The following EI24 variants were observed in gnomAD, a reference collection of about 807,000 sequenced individuals.
The protein encoded by EI24 is etoposide-induced protein 2.4 homolog.
A neutral mutation model predicts 48.6 loss-of-function variants in EI24; 21 were observed. That is an observed-to-expected ratio of 0.43 (90% CI 0.31 to 0.62). The LOEUF is 0.62. EI24 is among the 20% of genes least tolerant of loss of function. The pLI is 0.10. For synonymous variants in EI24, 114 were observed against 145.5 expected, an observed-to-expected ratio of 0.78 and a Z score of 1.56; for missense variants, 280 against 410.5, an observed-to-expected ratio of 0.68 and a Z score of 2.75.
rs1344381738 is a variant in EI24 at position 125,569,497 on chromosome 11, G to GGCCCTGGAAGC, written c.-142_-132dup. 5 of 384,290 alleles carry GGCCCTGGAAGC rather than the reference G, an allele frequency of 1.3e-5. No homozygotes were observed. The highest frequency in any genetic ancestry group is 2.3e-5 in the Non-Finnish European group (5 of 216,906). 23.8% of individuals were successfully genotyped at this position (384,290 alleles called of 1,614,324 possible). On this transcript the variant is annotated 5_prime_UTR_variant, in exon 1 of 11. Transcript: ENST00000278903. ...TGCCCAGTGCGGGCGCAGCGGCCCC[G>GGCCCTGGAAGC]GCCCTGGAAGCGCCCCGGCGGAGCT...
intron 9 of EI24, among the ~76,000 whole-genome samples, chr11:125,582,131 G>A (rs1162718182): frequency 6.6e-6 from 1 of 151,978 alleles, no homozygotes; most frequent in Non-Finnish European, 1.5e-5. Flanking sequence ...ACAGGAGGCG[G>A]AGGTTGCGGT....
chr11:125,580,289 C>T, intron 8 of EI24, 85 bp downstream of exon 8: 1 of 1,017,494 alleles, frequency 9.8e-7, no homozygotes, highest in South Asian at 1.3e-5. Context: ...TACTCATAGT[C>T]AGGCTTTTGG....
Position 125,572,567 on chromosome 11 carries a change from AGAGT to A in EI24, c.42+3_42+6del. ...CAAAACCTTTCTCCAGGACCTTGCCAGAGTGAGTACATCTTGTTTATAGGAATTC... is the reference window on the plus strand; with the variant it reads ...CAAAACCTTTCTCCAGGACCTTGCCAGAGTACATCTTGTTTATAGGAATTC... On this transcript the variant is annotated splice_donor_variant and coding_sequence_variant, in exon 2 of 11. Transcript: ENST00000278903. LOFTEE classifies it high-confidence loss of function. The A allele has an allele frequency of 6.2e-7, 1 of 1,612,520 alleles. No homozygotes were observed. The highest frequency in any genetic ancestry group is 8.5e-7 in the Non-Finnish European group (1 of 1,179,592).
chr11:125,578,480 C>CTTTTTTT (rs370986926), intron 6 of EI24, among the ~76,000 whole-genome samples: 20 of 84,690 alleles, frequency 2.4e-4, no homozygotes, highest in South Asian at 8.4e-4. Context: ...TTCGTTTTGG[C>CTTTTTTT]TTTTTTTTTT....
At chr11:125,575,928 A>G in intron 3 of EI24, 1 of 386,916 alleles carries the variant, frequency 2.6e-6, no homozygotes, top group South Asian at 1.9e-5. Context: ...GGCTGGAAGT[A>G]CAGGTGCGCA....
At chr11:125,573,976 C>G (rs913939691) in intron 2 of EI24, among the ~76,000 whole-genome samples, 7 of 152,174 alleles carry the variant, frequency 4.6e-5, no homozygotes, top group Non-Finnish European at 1.0e-4. Flanking sequence ...GCCACCGTGC[C>G]CAGCAGCATA....
At chr11:125,579,781 C>T (rs1414293250) in intron 7 of EI24, among the ~76,000 whole-genome samples, 1 of 152,176 alleles carries the variant, frequency 6.6e-6, no homozygotes, top group Non-Finnish European at 1.5e-5. Context: ...ATCCTCCTGC[C>T]TTAGCCTCCT....
At chr11:125,579,105 T>G (rs528851002) in intron 7 of EI24, 37 bp downstream of exon 7, 1 of 1,537,294 alleles carries the variant, frequency 6.5e-7, no homozygotes, top group African/African-American at 1.4e-5. Flanking sequence ...GCAGCTTTAT[T>G]AAAAAGAAAA....
chr11:125,576,101 C>T (rs1565328629), intron 3 of EI24, among the ~76,000 whole-genome samples, 154 bp from the exon 4 acceptor site: 1 of 152,066 alleles, frequency 6.6e-6, no homozygotes. Flanking sequence ...TTTTTTTAGT[C>T]TTTTCTCATT....
At chr11:125,582,480 TTA>T in intron 10 of EI24, 60 bp downstream of exon 10, 1 of 1,273,100 alleles carries the variant, frequency 7.9e-7, no homozygotes, top group Non-Finnish European at 1.1e-6. Flanking sequence ...GTAACACCAG[TTA>T]TGTCAGTGAG....
intron 2 of EI24, chr11:125,573,536 G>A (rs1343333017): frequency 2.6e-6 from 1 of 383,294 alleles, no homozygotes; most frequent in East Asian, 7.9e-5. Flanking sequence ...TTGAGTCTGG[G>A]AGTATGAAGC....
chr11:125,582,536 T>G (rs1404423604), intron 10 of EI24, 116 bp downstream of exon 10: 1 of 780,956 alleles, frequency 1.3e-6, no homozygotes, highest in Admixed American at 3.1e-5. Flanking sequence ...AATCTTAATA[T>G]AAGGTTTAAT....
Position 125,582,436 on chromosome 11 carries a change from T to C in EI24, c.860+16T>C. The C allele has an allele frequency of 1.3e-6, 2 of 1,573,476 alleles. No individual in the cohort carries two copies. The highest frequency in any genetic ancestry group is 1.7e-6 in the Non-Finnish European group (2 of 1,160,696). On this transcript the variant is annotated intron_variant, in intron 10 of 10. Coordinates refer to ENST00000278903, the MANE Select transcript of EI24 (RefSeq NM_004879.5). ...GCAAAGCATAGTAAGTATTAGCCAG[T>C]GATGAAATTTTTGCTGTGTAAAGGG...
At chr11:125,576,128 T>C (rs1023344046) in intron 3 of EI24, 127 bp from the exon 4 acceptor site, 5 of 896,794 alleles carry the variant, frequency 5.6e-6, no homozygotes, top group African/African-American at 5.0e-5. Context: ...CATTAGAACA[T>C]TGGGAGAACA....
chr11:125,574,492 T>C (rs1056236349), intron 2 of EI24, among the ~76,000 whole-genome samples: 1 of 152,256 alleles, frequency 6.6e-6, no homozygotes, highest in African/African-American at 2.4e-5. Context: ...CCAATTTATG[T>C]TCCTGTTAAC....
intron 6 of EI24, among the ~76,000 whole-genome samples, chr11:125,578,524 G>A (rs1938848855): frequency 1.6e-5 from 2 of 122,162 alleles, no homozygotes; most frequent in African/African-American, 6.4e-5. Context: ...TCACTCTGTC[G>A]CCCAGGCTGG....
rs369649770 is a variant in EI24 at position 125,577,587 on chromosome 11, C to T, written c.316+17C>T. 1.2e-6 allele frequency: 2 copies of T among 1,604,472 alleles called. No homozygotes were observed. Among genetic ancestry groups the T allele is most frequent in the Non-Finnish European group, 1.7e-6 (2 of 1,174,152 alleles). ...GAATTATCGGTAAGTGTATACCCTG[C>T]TCCTTGTCTGTTGGGGACAGAGTGG... On this transcript the variant is annotated intron_variant, in intron 5 of 10. Transcript: ENST00000278903.
Position 125,584,016 on chromosome 11 carries a change from A to C in EI24, c.*333A>C. On this transcript the variant is annotated 3_prime_UTR_variant, in exon 11 of 11. Coordinates refer to ENST00000278903, the MANE Select transcript of EI24 (RefSeq NM_004879.5). ...GTGCCATTTACCCTTCCACCTTTCCATCCTGCCTTCTACCACCCTTGGATG... is the reference window on the plus strand; with the variant it reads ...GTGCCATTTACCCTTCCACCTTTCCCTCCTGCCTTCTACCACCCTTGGATG... 1 of 260,470 alleles carries C rather than the reference A, an allele frequency of 3.8e-6. No individual in the cohort carries two copies. The highest frequency in any genetic ancestry group is 7.5e-6 in the Non-Finnish European group (1 of 133,024). 16.1% of individuals were successfully genotyped at this position (260,470 alleles called of 1,614,324 possible).
intron 4 of EI24, 76 bp from the exon 5 acceptor site, chr11:125,577,428 A>G (rs1938793674): frequency 2.1e-6 from 3 of 1,419,526 alleles, no homozygotes; most frequent in Admixed American, 3.6e-5. Flanking sequence ...CATCTATAAA[A>G]TCATTACACT....
Sources: gnomAD v4.1 joint callset for allele counts (sites outside exome capture counted in the v4.1 genomes callset) on GRCh38, gnomAD v4.1.1 for gene constraint, MANE v1.5 for transcripts, NCBI Gene and HGNC (gene_info 2026-07-23, HGNC 2026-07-21) for gene names.